The following STRADB variants were observed in gnomAD, a reference collection of about 807,000 sequenced individuals.
The protein encoded by STRADB is STE20-related kinase adapter protein beta.
A neutral mutation model predicts 52.1 loss-of-function variants in STRADB; 34 were observed. The ratio of observed to expected loss-of-function variants is 0.65; its 90% CI spans 0.50 to 0.87. The LOEUF is 0.87. Among genes scored for constraint, STRADB ranks in the 40% least tolerant of loss-of-function variants. The pLI is 0.00. For synonymous variants in STRADB, 133 were observed against 174.5 expected, an observed-to-expected ratio of 0.76 and a Z score of 1.87; for missense variants, 340 against 483.9, an observed-to-expected ratio of 0.70 and a Z score of 2.79.
At chr2:201,460,401 C>G (rs1952195285) in intron 3 of STRADB, among the ~76,000 whole-genome samples, 1 of 152,060 alleles carries the variant, frequency 6.6e-6, no homozygotes, top group South Asian at 2.1e-4. Context: ...TCCAATTATA[C>G]TTTCAGTTAT....
At position 201,480,542 on chromosome 2, in the gene STRADB, C is replaced by A; in HGVS notation, c.*367C>A. The A allele has an allele frequency of 9.9e-7, 1 of 1,012,178 alleles. No individual in the cohort carries two copies. The highest frequency in any genetic ancestry group is 1.2e-6 in the Non-Finnish European group (1 of 846,024). The allele number at this position is 1,012,178 out of a possible 1,614,324, so 62.7% of individuals were successfully genotyped here. On this transcript the variant is annotated 3_prime_UTR_variant, in exon 12 of 12. Transcript: ENST00000194530. ...CAGAGGACAGTGCTTCCAAGTACAT[C>A]TTCTCCCAGATTCTCTGGCCTTTTT...
intron 6 of STRADB, among the ~76,000 whole-genome samples, chr2:201,475,328 G>T (rs1952454475): frequency 6.6e-6 from 1 of 151,560 alleles, no homozygotes; most frequent in African/African-American, 2.4e-5. Context: ...TTTGTGAATT[G>T]CTTCTGGATT....
rs1362048341 is a variant in STRADB, at chr2:201,473,061, C to T, written c.300C>T (p.Arg100=). The change falls in exon 5 of 12, where the codon CGC becomes CGT. Residue 100 remains arginine, a synonymous_variant. Transcript: ENST00000194530. The part of the protein sequence containing the change: ...ITNLENCNEE[R]LKALQKAVIL... ...ATCTGGAAAACTGCAATGAAGAACG[C>T]CTGAAAGCTTTACAGGTAACAATAT... 3.7e-6 allele frequency: 6 copies of T among 1,612,450 alleles called. No individual in the cohort carries two copies. The highest frequency in any genetic ancestry group is 4.2e-6 in the Non-Finnish European group (5 of 1,179,554).
intron 3 of STRADB, among the ~76,000 whole-genome samples, chr2:201,459,121 C>T (rs1398178160): frequency 2.6e-5 from 4 of 152,052 alleles, no homozygotes; most frequent in Admixed American, 6.5e-5. Context: ...TGCCATTTTC[C>T]AGGAGTCTAT....
chr2:201,480,008 C>CCTTGAAA (rs1952545363), intron 11 of STRADB, 24 bp from the exon 12 acceptor site: 5 of 1,613,122 alleles, frequency 3.1e-6, no homozygotes, highest in Non-Finnish European at 4.2e-6. Flanking sequence ...ATATCAACAG[C>CCTTGAAA]CTTATTTTGA....
intron 5 of STRADB, among the ~76,000 whole-genome samples, chr2:201,473,988 TCACGC>T (rs1205477293): frequency 6.6e-6 from 1 of 151,796 alleles, no homozygotes; most frequent in Non-Finnish European, 1.5e-5. Flanking sequence ...CCTCCCGGGT[TCACGC>T]CATTCTCCTG....
chr2:201,462,765 A>T (rs1952235745), intron 3 of STRADB, among the ~76,000 whole-genome samples: 2 of 152,148 alleles, frequency 1.3e-5, no homozygotes, highest in African/African-American at 2.4e-5. Context: ...TGCAGTTATC[A>T]TTTGTTCATC....
chr2:201,470,836 A>G (rs1010363348), intron 4 of STRADB, among the ~76,000 whole-genome samples: 5 of 152,218 alleles, frequency 3.3e-5, no homozygotes, highest in African/African-American at 1.2e-4. Context: ...GACAACATAA[A>G]CAATCCTGGC....
At chr2:201,468,509 T>A (rs1952340729) in intron 3 of STRADB, among the ~76,000 whole-genome samples, 1 of 152,218 alleles carries the variant, frequency 6.6e-6, no homozygotes, top group Non-Finnish European at 1.5e-5. Flanking sequence ...AAACTTCGTA[T>A]CCTAAGTGTA....
chr2:201,460,542 T>C (rs1207405947), intron 3 of STRADB, among the ~76,000 whole-genome samples: 4 of 152,172 alleles, frequency 2.6e-5, no homozygotes, highest in Non-Finnish European at 5.9e-5. Context: ...GCACCCCTTC[T>C]TGGCCTCTAT....
intron 3 of STRADB, chr2:201,460,758 T>C: frequency 3.0e-6 from 1 of 335,866 alleles, no homozygotes; most frequent in Non-Finnish European, 6.3e-6. Flanking sequence ...CTTTATCCAT[T>C]CATCTGTTGA....
chr2:201,478,157 G>A lies in STRADB; in HGVS notation c.791G>A (p.Gly264Glu). The change falls in exon 9 of 12, where the codon GGG becomes GAG. Residue 264 changes from glycine (G) to glutamate (E), a missense_variant. Coordinates refer to ENST00000194530, the MANE Select transcript of STRADB (RefSeq NM_018571.6). The part of the protein sequence containing the change: ...VGITACELAS[G>E]QVPFQDMHRT... ...ATTACAGCATGTGAATTAGCCAGTGGGCAGGTGCCTTTCCAGGACATGCAT... is the reference window on the plus strand; with the variant it reads ...ATTACAGCATGTGAATTAGCCAGTGAGCAGGTGCCTTTCCAGGACATGCAT... 1 of 1,613,646 alleles carries A rather than the reference G, an allele frequency of 6.2e-7. No individual in the cohort carries two copies. Among genetic ancestry groups the A allele is most frequent in the Non-Finnish European group, 8.5e-7 (1 of 1,179,872 alleles).
intron 2 of STRADB, among the ~76,000 whole-genome samples, chr2:201,457,041 T>C (rs1019719130): frequency 8.5e-5 from 13 of 152,192 alleles, no homozygotes; most frequent in Non-Finnish European, 1.2e-4. Context: ...AAAAGCCAGG[T>C]GTTCAGCATA....
Position 201,478,443 on chromosome 2 carries a change from C to G in STRADB, c.912C>G (p.Ser304=), listed in dbSNP as rs576842105. The change falls in exon 10 of 12, where the codon TCC becomes TCG. Residue 304 remains serine, a synonymous_variant. Coordinates refer to ENST00000194530, the MANE Select transcript of STRADB (RefSeq NM_018571.6). ...AATCAGAATCCAGAATGAAAAATTC[C>G]CAGTCAGGTGTAGACTCTGGGATTG... The part of the protein sequence containing the change: ...FPQSESRMKN[S]QSGVDSGIGE... 21 of 1,613,990 alleles carry G rather than the reference C, an allele frequency of 1.3e-5. No homozygotes were observed. The highest frequency in any genetic ancestry group is 1.8e-5 in the Non-Finnish European group (21 of 1,180,010).
chr2:201,475,791 C>G, intron 7 of STRADB, 49 bp downstream of exon 7: 1 of 1,545,614 alleles, frequency 6.5e-7, no homozygotes, highest in Non-Finnish European at 8.7e-7. Flanking sequence ...AATGGAAGAA[C>G]TCTTTGAAGG....
intron 8 of STRADB, 66 bp from the exon 9 acceptor site, chr2:201,478,021 C>T: frequency 1.4e-6 from 2 of 1,389,834 alleles, no homozygotes; most frequent in South Asian, 1.4e-5. Context: ...ATCAAAAAAG[C>T]ACATGTGTAT....
chr2:201,465,110 A>G (rs1952279167), intron 3 of STRADB, among the ~76,000 whole-genome samples: 1 of 152,134 alleles, frequency 6.6e-6, no homozygotes, highest in Non-Finnish European at 1.5e-5. Flanking sequence ...GCTGGTACCC[A>G]AGCTGCAAGA....
chr2:201,470,555 C>G (rs921959773), intron 4 of STRADB, among the ~76,000 whole-genome samples: 2 of 152,214 alleles, frequency 1.3e-5, no homozygotes, highest in Non-Finnish European at 2.9e-5. Flanking sequence ...CTATTAAACA[C>G]TACACACCGG....
chr2:201,456,699 C>T (rs1244730104), intron 2 of STRADB, among the ~76,000 whole-genome samples: 1 of 152,186 alleles, frequency 6.6e-6, no homozygotes, highest in East Asian at 1.9e-4. Context: ...TTCAAAGGAG[C>T]AGCATATGTA....
Sources: allele counts gnomAD v4.1 joint callset (sites outside exome capture counted in the v4.1 genomes callset), GRCh38; gene constraint gnomAD v4.1.1; transcripts MANE v1.5; gene names NCBI Gene and HGNC (gene_info 2026-07-23, HGNC 2026-07-21).